DCC: variants seen among roughly 807,000 people sequenced by gnomAD.
DCC encodes the protein DCC netrin 1 receptor.
DCC carries 58 observed loss-of-function variants against 172.5 expected under a neutral mutation model. The observed-to-expected ratio is 0.34, with a 90% CI of 0.27 to 0.42. DCC has a LOEUF of 0.42. DCC is among the 10% of genes least tolerant of loss of function. The pLI is 1.00. For missense variants in DCC, 1,740 were observed against 1,791.0 expected, an observed-to-expected ratio of 0.97 and a Z score of 0.51; for synonymous variants, 709 against 644.5, an observed-to-expected ratio of 1.10 and a Z score of -1.52.
At position 53,428,187 on chromosome 18, in the gene DCC, ATAG is replaced by A. The variant is rs1213229077; in HGVS notation, c.3164-6956_3164-6954del. Among the ~76,000 whole-genome samples the A allele has an allele frequency of 5.1e-5, 3 of 59,266 alleles. 1 individual carries two copies. The highest frequency in any genetic ancestry group is 1.6e-4 in the African/African-American group (3 of 19,226). 38.9% of individuals were successfully genotyped at this position (59,266 alleles called of 152,430 possible). A position where few individuals can be genotyped will look rare whatever the true frequency, so the allele number is the denominator to read the frequency against. On this transcript the variant is annotated intron_variant, in intron 21 of 28. Coordinates refer to ENST00000442544, the MANE Select transcript of DCC (RefSeq NM_005215.4). ...TAATATATAATATGTAATATATAAT[ATAG>A]AATATATAATATTATATATAAGTAT...
At chr18:53,049,453 T>G (rs2042304699) in intron 5 of DCC, among the ~76,000 whole-genome samples, 1 of 152,040 alleles carries the variant, frequency 6.6e-6, no homozygotes, top group South Asian at 2.1e-4. Flanking sequence ...TCTTTTCCCC[T>G]TTGCTTGTCA....
chr18:52,440,296 A>G (rs910433204), intron 1 of DCC, among the ~76,000 whole-genome samples: 1 of 152,242 alleles, frequency 6.6e-6, no homozygotes, highest in Non-Finnish European at 1.5e-5. Context: ...ATTCATGCTC[A>G]CGTGCTTCAG....
At position 52,342,359 on chromosome 18, in the gene DCC, C is replaced by T. The variant is rs184061432; in HGVS notation, c.91+1481C>T. 3.9e-4 allele frequency among the ~76,000 whole-genome samples: 60 copies of T among 151,998 alleles called. No homozygotes were observed. In the East Asian group the frequency reaches 0.011, roughly 28 times the overall value. On this transcript the variant is annotated intron_variant, in intron 1 of 28. Transcript: ENST00000442544. Reference sequence around the variant, plus strand: ...GCATCCCCGCGCTTAGCCGCTGGTGCTCCCTCCCTCCGTCTGTCCCTCCCG... The same window carrying T: ...GCATCCCCGCGCTTAGCCGCTGGTGTTCCCTCCCTCCGTCTGTCCCTCCCG...
rs1568141739 is a variant in DCC, at chr18:52,846,262, C to CTAGG, written c.413-59782_413-59781insTAGG. Among the ~76,000 whole-genome samples the CTAGG allele has an allele frequency of 2.1e-3, 323 of 152,188 alleles. 2 individuals are homozygous for CTAGG. The highest frequency in any genetic ancestry group is 7.4e-3 in the African/African-American group (307 of 41,520). On this transcript the variant is annotated intron_variant, in intron 2 of 28. Transcript: ENST00000442544. ...TGAGCCTCAAGGAATTCAGCTTCAG[C>CTAGG]CAGGCATGGTGGCACATGCCTGTAA...
chr18:52,673,222 CTTTATA>C (rs2035585527), intron 1 of DCC, among the ~76,000 whole-genome samples: 1 of 152,156 alleles, frequency 6.6e-6, no homozygotes, highest in East Asian at 1.9e-4. Context: ...AAACTCCAGA[CTTTATA>C]TTTAGATTTC....
chr18:52,726,659 C>T (rs184274963), intron 1 of DCC, among the ~76,000 whole-genome samples: 79 of 152,280 alleles, frequency 5.2e-4, no homozygotes, highest in African/African-American at 1.7e-3. Context: ...AAATGTAATA[C>T]TTTGATCAAA....
chr18:53,102,680 C>A (rs1568306328), intron 7 of DCC, among the ~76,000 whole-genome samples: 1 of 152,120 alleles, frequency 6.6e-6, no homozygotes, highest in Non-Finnish European at 1.5e-5. Flanking sequence ...GGCATACGGG[C>A]ACCAGATAAA....
chr18:52,772,381 C>T (rs1343848062), intron 2 of DCC, among the ~76,000 whole-genome samples: 1 of 152,190 alleles, frequency 6.6e-6, no homozygotes, highest in East Asian at 1.9e-4. Context: ...TTATTAAATG[C>T]ATCTCTACGG....
intron 2 of DCC, among the ~76,000 whole-genome samples, chr18:52,817,544 TGA>T (rs2038323374): frequency 6.6e-6 from 1 of 152,172 alleles, no homozygotes; most frequent in African/African-American, 2.4e-5. Context: ...ATTTCTGGCT[TGA>T]AAAGTATTTG....
At chr18:52,791,208 G>A (rs75850812) in intron 2 of DCC, among the ~76,000 whole-genome samples, 6,564 of 152,152 alleles carry the variant, frequency 0.043, 221 homozygotes, top group South Asian at 0.16. Flanking sequence ...AAAAGAGCCG[G>A]GCTGATTTTG....
In DCC at chr18:53,157,403, C is replaced by T; in HGVS notation, c.1309C>T (p.Pro437Ser). The change falls in exon 8 of 29, where the codon CCT becomes TCT. Residue 437 changes from proline (P) to serine (S), a missense_variant. Pro to Ser is a moderately conservative substitution (Grantham distance 74, BLOSUM62 -1). This residue lies in a region of DCC where 1,732 missense variants were observed against 1,767.4 expected (regional missense o/e 0.98). Transcript: ENST00000442544. ...VLPSAPRDVVPVLVSSRFVRL... is the reference protein window; with the variant it reads ...VLPSAPRDVVSVLVSSRFVRL... Reference sequence around the variant, plus strand: ...CCCTTCGGCTCCCAGAGATGTGGTCCCTGTCTTGGTTTCCAGCCGATTTGT... The same window carrying T: ...CCCTTCGGCTCCCAGAGATGTGGTCTCTGTCTTGGTTTCCAGCCGATTTGT... The T allele has an allele frequency of 6.2e-7, 1 of 1,614,114 alleles. No individual in the cohort carries two copies. The highest frequency in any genetic ancestry group is 1.1e-5 in the South Asian group (1 of 91,086).
At chr18:52,665,149 C>T (rs998748119) in intron 1 of DCC, among the ~76,000 whole-genome samples, 2 of 152,190 alleles carry the variant, frequency 1.3e-5, no homozygotes. Context: ...TTCCAATTTT[C>T]AGTAGGCTGA....
intron 5 of DCC, among the ~76,000 whole-genome samples, chr18:52,982,536 G>T (rs142383403): frequency 1.3e-5 from 2 of 152,062 alleles, no homozygotes; most frequent in Non-Finnish European, 2.9e-5. Flanking sequence ...TAACATTTGG[G>T]CCTGGATAAT....
chr18:52,809,874 T>C (rs1377444766), intron 2 of DCC, among the ~76,000 whole-genome samples: 2 of 152,182 alleles, frequency 1.3e-5, no homozygotes, highest in Non-Finnish European at 2.9e-5. Flanking sequence ...ATTTGACTAT[T>C]TCTTTACCTC....
At chr18:53,527,190 A>ATAAC (rs1392830180) in intron 28 of DCC, among the ~76,000 whole-genome samples, 2 of 150,734 alleles carry the variant, frequency 1.3e-5, no homozygotes, top group Non-Finnish European at 2.9e-5. Context: ...ATAAGACTAT[A>ATAAC]TAACTCTTCT....
intron 14 of DCC, among the ~76,000 whole-genome samples, chr18:53,334,380 C>CT (rs1036137660): frequency 7.2e-5 from 11 of 152,212 alleles, no homozygotes; most frequent in Admixed American, 1.3e-4. Context: ...GTGACTCACT[C>CT]TTTTTTTTCT....
At chr18:52,853,910 G>A (rs1444699882) in intron 2 of DCC, among the ~76,000 whole-genome samples, 1 of 152,188 alleles carries the variant, frequency 6.6e-6, no homozygotes, top group Non-Finnish European at 1.5e-5. Flanking sequence ...ATGAGGAGAG[G>A]CAGGAGTCAT....
At chr18:52,869,375 T>C (rs923793823) in intron 2 of DCC, among the ~76,000 whole-genome samples, 1 of 152,194 alleles carries the variant, frequency 6.6e-6, no homozygotes, top group Non-Finnish European at 1.5e-5. Flanking sequence ...TGTTGTCTGC[T>C]CTGCTCTGGT....
At chr18:53,051,895 G>T (rs1017009578) in intron 5 of DCC, among the ~76,000 whole-genome samples, 3 of 152,020 alleles carry the variant, frequency 2.0e-5, no homozygotes, top group African/African-American at 7.2e-5. Context: ...TCCCAGAAAA[G>T]TATCCTATTC....
Sources: allele counts gnomAD v4.1 joint callset (sites outside exome capture counted in the v4.1 genomes callset), GRCh38; gene constraint gnomAD v4.1.1; regional missense constraint gnomAD v4.1.1; transcripts MANE v1.5; gene names NCBI Gene and HGNC (gene_info 2026-07-23, HGNC 2026-07-21).